The following SLC35F6 variants were observed in gnomAD, a reference collection of about 807,000 sequenced individuals.
The protein encoded by SLC35F6 is ANT2-binding protein.
A neutral mutation model predicts 29.4 loss-of-function variants in SLC35F6; 26 were observed. The ratio of observed to expected loss-of-function variants is 0.89; its 90% CI spans 0.65 to 1.23. The LOEUF is 1.23. Ranked by LOEUF, SLC35F6 falls within the 50% of genes most tolerant of loss-of-function variation. SLC35F6 has a pLI of 0.00. For synonymous variants in SLC35F6, 174 were observed against 206.6 expected (o/e 0.84, Z 1.35); for missense variants, 428 against 487.8 (o/e 0.88, Z 1.15).
At chr2:26,766,404 C>G (rs1202654164) in intron 1 of SLC35F6, among the ~76,000 whole-genome samples, 1 of 152,144 alleles carries the variant, frequency 6.6e-6, no homozygotes, top group Non-Finnish European at 1.5e-5. Context: ...TTGAAACCAG[C>G]CTGACCAATA....
At chr2:26,776,348 A>G (rs578051498) in intron 4 of SLC35F6, 24 bp from the exon 5 acceptor site, 3 of 1,611,746 alleles carry the variant, frequency 1.9e-6, no homozygotes, top group African/African-American at 2.7e-5. Context: ...CCCTGTTCTC[A>G]TCTGGGTCCC....
rs545302906 is a variant in SLC35F6 at position 26,775,699 on chromosome 2, G to A, written c.535+23G>A. The A allele has an allele frequency of 1.3e-4, 200 of 1,541,554 alleles. No individual in the cohort carries two copies. The highest frequency in any genetic ancestry group is 9.2e-4 in the Middle Eastern group (4 of 4,334). On this transcript the variant is annotated intron_variant, in intron 4 of 5. Coordinates refer to ENST00000344420, the MANE Select transcript of SLC35F6 (RefSeq NM_017877.4). The surrounding 1 kb of genome is among the most constrained non-coding windows in gnomAD (Gnocchi z 4.6). ...CAGGTGCGGCCAGGGGCAGGGACACGGGGCTGCCCTATCCTGCCCTGTCCT... is the reference window on the plus strand; with the variant it reads ...CAGGTGCGGCCAGGGGCAGGGACACAGGGCTGCCCTATCCTGCCCTGTCCT...
In SLC35F6 at chr2:26,780,609, G is replaced by C. The variant is rs563708265; in HGVS notation, c.*2098G>C. 6.6e-6 allele frequency: 1 copy of C among 152,308 alleles called. No homozygotes were observed. Among genetic ancestry groups the C allele is most frequent in the South Asian group, 2.1e-4 (1 of 4,812 alleles). The allele number at this position is 152,308 out of a possible 1,614,324, so 9.4% of individuals were successfully genotyped here. On this transcript the variant is annotated 3_prime_UTR_variant, in exon 6 of 6. Transcript: ENST00000344420. Reference sequence around the variant, plus strand: ...TTTATGGAGCCAGTGTTCCAACCTAGGTTTGCCTGATACCAGACCTGTGGC... The same window carrying C: ...TTTATGGAGCCAGTGTTCCAACCTACGTTTGCCTGATACCAGACCTGTGGC...
At position 26,774,247 on chromosome 2, in the gene SLC35F6, A is replaced by G. The variant is rs1184169785; in HGVS notation, c.78-4A>G. 3 of 1,614,026 alleles carry G rather than the reference A, an allele frequency of 1.9e-6. No individual in the cohort carries two copies. Among genetic ancestry groups the G allele is most frequent in the East Asian group, 4.5e-5 (2 of 44,880 alleles). ...GGGTCTGACCTTCCCTCTCTCTCCTACAGATGGGCGGACAATTTCATGGCC... is the reference window on the plus strand; with the variant it reads ...GGGTCTGACCTTCCCTCTCTCTCCTGCAGATGGGCGGACAATTTCATGGCC... On this transcript the variant is annotated splice_polypyrimidine_tract_variant and splice_region_variant and intron_variant, in intron 1 of 5. Transcript: ENST00000344420.
chr2:26,766,530 G>A (rs1197142288), intron 1 of SLC35F6, among the ~76,000 whole-genome samples: 3 of 152,140 alleles, frequency 2.0e-5, no homozygotes, highest in Admixed American at 6.5e-5. Flanking sequence ...CCCGGGAGGC[G>A]GAGGTTGCAA....
At chr2:26,768,602 C>G (rs538518956) in intron 1 of SLC35F6, among the ~76,000 whole-genome samples, 2 of 151,466 alleles carry the variant, frequency 1.3e-5, no homozygotes, top group South Asian at 4.2e-4. Flanking sequence ...CTGACCTCGC[C>G]CATCTCGGCC....
At chr2:26,776,222 A>C in intron 4 of SLC35F6, 150 bp from the exon 5 acceptor site, 2 of 654,860 alleles carry the variant, frequency 3.1e-6, no homozygotes, top group Non-Finnish European at 5.2e-6. Flanking sequence ...GAACCAGGGA[A>C]TCAGGGACAG....
At chr2:26,777,921 A>T (rs1664330884) in intron 5 of SLC35F6, 121 bp from the exon 6 acceptor site, 1 of 875,386 alleles carries the variant, frequency 1.1e-6, no homozygotes, top group African/African-American at 1.7e-5. Flanking sequence ...ACGTGAAAGG[A>T]GGGAGCTGGC....
At position 26,779,815 on chromosome 2, in the gene SLC35F6, CT is replaced by C. The variant is rs75851338; in HGVS notation, c.*1326del. The C allele has an allele frequency of 1.5e-3, 178 of 118,304 alleles. No homozygotes were observed. Among genetic ancestry groups the C allele is most frequent in the African/African-American group, 3.6e-3 (108 of 30,066 alleles). 7.3% of individuals were successfully genotyped at this position (118,304 alleles called of 1,614,324 possible). ...ACAGGCATGAGCCACCACGCCCAGC[CT>C]TTTTTTTTTTTTTTTTTTTTTCTTG... On this transcript the variant is annotated 3_prime_UTR_variant, in exon 6 of 6. Coordinates refer to ENST00000344420, the MANE Select transcript of SLC35F6 (RefSeq NM_017877.4).
chr2:26,776,477 C>CCGAG lies in SLC35F6; in HGVS notation c.641_642insCGAG (p.Gly216Ter). 6.2e-7 allele frequency: 1 copy of CCGAG among 1,614,050 alleles called. No homozygotes were observed. Among genetic ancestry groups the CCGAG allele is most frequent in the East Asian group, 2.2e-5 (1 of 44,876 alleles). On this transcript the variant is annotated frameshift_variant, in exon 5 of 6. Transcript: ENST00000344420. LOFTEE classifies it high-confidence loss of function. ...GTGCACCCACTGCGGGCAGTTGGCA[C>CCGAG]TGAGGGTGTGTGTGGGCACAGGGGC...
At chr2:26,774,466 T>C in intron 2 of SLC35F6, 143 bp downstream of exon 2, 1 of 889,664 alleles carries the variant, frequency 1.1e-6, no homozygotes, top group Non-Finnish European at 1.7e-6. Context: ...TCTCTTTCCC[T>C]CCCCAGAGCA....
At chr2:26,771,859 C>T (rs1417583492) in intron 1 of SLC35F6, among the ~76,000 whole-genome samples, 1 of 152,080 alleles carries the variant, frequency 6.6e-6, no homozygotes, top group Non-Finnish European at 1.5e-5. Flanking sequence ...TGTTTCCTGA[C>T]CTGGGGTGGA....
chr2:26,767,088 C>G (rs1334769291), intron 1 of SLC35F6, among the ~76,000 whole-genome samples: 1 of 152,164 alleles, frequency 6.6e-6, no homozygotes, highest in African/African-American at 2.4e-5. Flanking sequence ...AGGCTGGAAC[C>G]CAGGCCTCAG....
chr2:26,765,399 G>A (rs1341981691), intron 1 of SLC35F6, among the ~76,000 whole-genome samples: 1 of 152,214 alleles, frequency 6.6e-6, no homozygotes, highest in East Asian at 1.9e-4. Flanking sequence ...GAGGGACAGG[G>A]CCTAGCCTCC....
chr2:26,774,174 A>G, intron 1 of SLC35F6, 77 bp from the exon 2 acceptor site: 1 of 1,564,338 alleles, frequency 6.4e-7, no homozygotes. Flanking sequence ...GCCTCTTGAC[A>G]TTGAGAGGTG....
At chr2:26,769,322 A>C (rs1664152117) in intron 1 of SLC35F6, among the ~76,000 whole-genome samples, 1 of 152,174 alleles carries the variant, frequency 6.6e-6, no homozygotes, top group African/African-American at 2.4e-5. Flanking sequence ...CGCCAAAAGG[A>C]GCGGCCTCAG....
intron 1 of SLC35F6, among the ~76,000 whole-genome samples, chr2:26,768,812 T>G (rs570875841): frequency 1.3e-5 from 2 of 151,840 alleles, no homozygotes; most frequent in African/African-American, 4.8e-5. Context: ...CCACCTAATT[T>G]TTGTATTTTT....
intron 1 of SLC35F6, among the ~76,000 whole-genome samples, chr2:26,767,293 A>G (rs1664111788): frequency 6.6e-6 from 1 of 152,202 alleles, no homozygotes; most frequent in Admixed American, 6.5e-5. Context: ...CAGCCAGCCC[A>G]GAGACACTGC....
rs1160799306 is a variant in SLC35F6 at position 26,778,590 on chromosome 2, A to T, written c.*79A>T. The T allele has an allele frequency of 1.5e-5, 20 of 1,377,360 alleles. No individual in the cohort carries two copies. Among genetic ancestry groups the T allele is most frequent in the Admixed American group, 2.6e-5 (1 of 38,102 alleles). 85.3% of individuals were successfully genotyped at this position (1,377,360 alleles called of 1,614,324 possible). A position where few individuals can be genotyped will look rare whatever the true frequency, so the allele number is the denominator to read the frequency against. On this transcript the variant is annotated 3_prime_UTR_variant, in exon 6 of 6. Transcript: ENST00000344420. ...GGCCACACAGGCTGGTGGGCCCCGAATGCCCTATCCCCAAGGCCTCACCCT... is the reference window on the plus strand; with the variant it reads ...GGCCACACAGGCTGGTGGGCCCCGATTGCCCTATCCCCAAGGCCTCACCCT...
Sources: allele counts gnomAD v4.1 joint callset (sites outside exome capture counted in the v4.1 genomes callset), GRCh38; gene constraint gnomAD v4.1.1; non-coding constraint Gnocchi (gnomAD v3.1); transcripts MANE v1.5; gene names NCBI Gene and HGNC (gene_info 2026-07-23, HGNC 2026-07-21).